FAM193A: variants seen among roughly 807,000 people sequenced by gnomAD.
FAM193A encodes the protein protein FAM193A.
FAM193A carries 22 observed loss-of-function variants against 126.5 expected under a neutral mutation model. The ratio of observed to expected loss-of-function variants is 0.17; its 90% CI spans 0.12 to 0.25. The LOEUF (loss-of-function observed/expected upper bound fraction) is 0.25, where lower values mean the gene tolerates loss of function less well. Among genes scored for constraint, FAM193A ranks in the 10% least tolerant of loss-of-function variants. FAM193A has a pLI of 1.00. For missense variants in FAM193A, 1,675 were observed against 1,672.8 expected (o/e 1.00, Z -0.02); for synonymous variants, 761 against 646.8 (o/e 1.18, Z -2.68).
chr4:2,543,426 G>T (rs1041511941), intron 1 of FAM193A, among the ~76,000 whole-genome samples: 2 of 152,006 alleles, frequency 1.3e-5, no homozygotes, highest in Admixed American at 6.6e-5. Flanking sequence ...CACAGGCTTG[G>T]TAGCTCATAC....
intron 1 of FAM193A, among the ~76,000 whole-genome samples, chr4:2,537,525 C>T (rs895669154): frequency 2.6e-5 from 4 of 152,376 alleles, no homozygotes; most frequent in African/African-American, 9.6e-5. Flanking sequence ...CGGCGCTTCG[C>T]CTTCCGCTGG....
At chr4:2,665,993 CT>C (rs1324579255) in intron 12 of FAM193A, among the ~76,000 whole-genome samples, 1 of 152,158 alleles carries the variant, frequency 6.6e-6, no homozygotes, top group Non-Finnish European at 1.5e-5. Context: ...ATTCCTTACT[CT>C]TGCCTTATTG....
intron 1 of FAM193A, among the ~76,000 whole-genome samples, chr4:2,571,720 A>G (rs544016700): frequency 1.3e-5 from 2 of 151,508 alleles, no homozygotes; most frequent in East Asian, 4.0e-4. Context: ...TTGTATTTTT[A>G]GTAGAGACAG....
intron 2 of FAM193A, among the ~76,000 whole-genome samples, chr4:2,599,759 C>CA (rs1374846694): frequency 1.3e-5 from 2 of 149,078 alleles, no homozygotes; most frequent in African/African-American, 5.0e-5. Context: ...TTTTTTGAGA[C>CA]AGAGTCTTGC....
At chr4:2,607,886 G>T in intron 2 of FAM193A, 1 of 797,698 alleles carries the variant, frequency 1.3e-6, no homozygotes, top group Non-Finnish European at 2.0e-6. Context: ...TGCAGATATT[G>T]CCTGTTTCTT....
intron 2 of FAM193A, among the ~76,000 whole-genome samples, chr4:2,602,883 A>G (rs961202307): frequency 4.3e-5 from 6 of 139,600 alleles, no homozygotes; most frequent in African/African-American, 1.6e-4. Flanking sequence ...GATTGTCTGG[A>G]TCTCCTGACC....
chr4:2,706,052 T>C (rs1324637805), intron 19 of FAM193A, among the ~76,000 whole-genome samples: 2 of 152,036 alleles, frequency 1.3e-5, no homozygotes, highest in Non-Finnish European at 2.9e-5. Context: ...CAGATATTTT[T>C]TTTAAAATAG....
In FAM193A at chr4:2,596,322, A is replaced by G. The variant is rs567417166; in HGVS notation, c.494A>G (p.Gln165Arg). The change falls in exon 2 of 21, where the codon CAG becomes CGG. Residue 165 changes from glutamine to arginine, a missense_variant. Physicochemically the swap from Gln to Arg is conservative, Grantham distance 43. Transcript: ENST00000637812. ...EKEERHGGLD[Q>R]PVSQDFLLHS... ...GAGGAGAGGCATGGCGGCCTTGACC[A>G]GCCAGTGGTGAGTGGCTGCCAGCAC... 1.4e-6 allele frequency: 1 copy of G among 702,008 alleles called. No homozygotes were observed. Among genetic ancestry groups the G allele is most frequent in the African/African-American group, 1.7e-5 (1 of 57,380 alleles). The allele number at this position is 702,008 out of a possible 1,614,324, so 43.5% of individuals were successfully genotyped here. A position where few individuals can be genotyped will look rare whatever the true frequency, so the allele number is the denominator to read the frequency against.
intron 1 of FAM193A, among the ~76,000 whole-genome samples, chr4:2,569,692 A>G (rs987846090): frequency 6.6e-6 from 1 of 151,926 alleles, no homozygotes; most frequent in African/African-American, 2.4e-5. Flanking sequence ...AATTTTTAAA[A>G]GCTGGTCTTG....
intron 1 of FAM193A, among the ~76,000 whole-genome samples, chr4:2,560,847 C>A (rs1391629835): frequency 6.6e-6 from 1 of 152,116 alleles, no homozygotes; most frequent in African/African-American, 2.4e-5. Context: ...AGGAGCTCAC[C>A]ATGTTTCTCA....
intron 6 of FAM193A, among the ~76,000 whole-genome samples, chr4:2,642,893 C>T (rs969292712): frequency 6.6e-6 from 1 of 151,962 alleles, no homozygotes; most frequent in Non-Finnish European, 1.5e-5. Context: ...CCACCACACC[C>T]GGCTAATTTT....
At position 2,536,874 on chromosome 4, in the gene FAM193A, C is replaced by T. The variant is rs184444164; in HGVS notation, c.-42C>T. ...GCCTTCCCCGCCCTCCGCCGCCGCC[C>T]GCGGCCCCCGCGCCCGCTCTGCGCC... is the stretch of plus-strand genomic sequence containing the variant. On this transcript the variant is annotated 5_prime_UTR_variant, in exon 1 of 21. Transcript: ENST00000637812. 48,153 of 147,392 alleles carry T rather than the reference C, an allele frequency of 0.33. 9,317 individuals carry two copies. Among genetic ancestry groups the T allele is most frequent in the Admixed American group, 0.52 (7,715 of 14,724 alleles). The allele number at this position is 147,392 out of a possible 1,614,324, so 9.1% of individuals were successfully genotyped here.
intron 1 of FAM193A, among the ~76,000 whole-genome samples, chr4:2,584,441 A>C (rs960798123): frequency 4.0e-5 from 6 of 151,288 alleles, no homozygotes; most frequent in Admixed American, 6.6e-5. Flanking sequence ...AAAAAAAAAA[A>C]CACCCATCTC....
chr4:2,554,696 A>G (rs1048602243), intron 1 of FAM193A, among the ~76,000 whole-genome samples: 4 of 152,030 alleles, frequency 2.6e-5, no homozygotes, highest in Non-Finnish European at 4.4e-5. Flanking sequence ...CTAAAATTGT[A>G]GATTTGTTCA....
intron 17 of FAM193A, 159 bp downstream of exon 17, chr4:2,695,288 A>T (rs1357003215): frequency 1.6e-6 from 1 of 607,684 alleles, no homozygotes; most frequent in Non-Finnish European, 2.6e-6. Flanking sequence ...AGATTTAGCC[A>T]TAATGATTTT....
At chr4:2,551,036 G>A (rs893618178) in intron 1 of FAM193A, among the ~76,000 whole-genome samples, 1 of 152,138 alleles carries the variant, frequency 6.6e-6, no homozygotes, top group Admixed American at 6.6e-5. Context: ...TCTTGACCTC[G>A]TGATCCGCCT....
At chr4:2,570,741 G>C (rs1400184812) in intron 1 of FAM193A, among the ~76,000 whole-genome samples, 1 of 152,100 alleles carries the variant, frequency 6.6e-6, no homozygotes, top group Non-Finnish European at 1.5e-5. Context: ...GCCTTGGTGA[G>C]CTCCTCCTCA....
At chr4:2,579,687 A>C (rs1287399759) in intron 1 of FAM193A, among the ~76,000 whole-genome samples, 1 of 151,922 alleles carries the variant, frequency 6.6e-6, no homozygotes, top group Non-Finnish European at 1.5e-5. Flanking sequence ...TGACAGAGTG[A>C]GGCCCTGTCT....
chr4:2,590,211 C>T (rs1269235020), intron 1 of FAM193A, among the ~76,000 whole-genome samples: 4 of 150,502 alleles, frequency 2.7e-5, no homozygotes, highest in Non-Finnish European at 5.9e-5. Flanking sequence ...ATGGCTCACG[C>T]CTGTAATCCC....
Sources: allele counts gnomAD v4.1 joint callset (sites outside exome capture counted in the v4.1 genomes callset), GRCh38; gene constraint gnomAD v4.1.1; transcripts MANE v1.5; gene names NCBI Gene and HGNC (gene_info 2026-07-23, HGNC 2026-07-21).